The following MBTPS2 variants were observed in gnomAD, a reference collection of about 807,000 sequenced individuals.
MBTPS2 encodes the protein membrane bound transcription factor peptidase, site 2.
MBTPS2 carries 2 observed loss-of-function variants against 35.4 expected under a neutral mutation model. The ratio of observed to expected loss-of-function variants is 0.06; its 90% confidence interval spans 0.02 to 0.18. MBTPS2 has a LOEUF of 0.18. MBTPS2 is among the 10% of genes least tolerant of loss of function. MBTPS2 has a pLI of 1.00. For missense variants in MBTPS2, 244 were observed against 386.5 expected (o/e 0.63, Z 3.09); for synonymous variants, 125 against 140.4 (o/e 0.89, Z 0.77).
chrX:21,878,179 C>A, intron 8 of MBTPS2, 43 bp downstream of exon 8: 1 of 948,522 alleles, frequency 1.1e-6, no homozygotes, highest in Non-Finnish European at 1.5e-6. Flanking sequence ...GATATAATTA[C>A]TAAAAAATAA....
intron 10 of MBTPS2, among the ~76,000 whole-genome samples, chrX:21,881,188 A>G (rs1047656580): frequency 2.7e-5 from 3 of 112,415 alleles, no homozygotes; most frequent in Non-Finnish European, 5.6e-5. Flanking sequence ...GTTTAGATGT[A>G]GAAGGGAAAG....
intron 3 of MBTPS2, among the ~76,000 whole-genome samples, chrX:21,846,434 G>A (rs921510586): frequency 5.4e-5 from 6 of 111,861 alleles, no homozygotes; most frequent in African/African-American, 1.6e-4. Flanking sequence ...GCAATGGCGC[G>A]ATCTCAGCTC....
chrX:21,854,603 G>A (rs2092918295), intron 5 of MBTPS2, among the ~76,000 whole-genome samples: 1 of 111,985 alleles, frequency 8.9e-6, no homozygotes, highest in Admixed American at 9.5e-5. Context: ...AAGCCACAAT[G>A]AAAATATAAC....
At position 21,884,280 on chromosome X, in the gene MBTPS2, C is replaced by A; in HGVS notation, c.*1625C>A. ...TTTGTTCTATTTTTAGGTAGACAAT[C>A]ATTTGGGATCAGAGTACATTAGCAT... On this transcript the variant is annotated 3_prime_UTR_variant, in exon 11 of 11. Coordinates refer to ENST00000379484, the MANE Select transcript of MBTPS2 (RefSeq NM_015884.4). The A allele has an allele frequency of 2.7e-6, 2 of 741,314 alleles. No homozygotes were observed. Among genetic ancestry groups the A allele is most frequent in the South Asian group, 1.4e-4 (2 of 14,527 alleles). 61.1% of individuals were successfully genotyped at this position (741,314 alleles called of 1,213,427 possible). A position where few individuals can be genotyped will look rare whatever the true frequency, so the allele number is the denominator to read the frequency against.
intron 2 of MBTPS2, among the ~76,000 whole-genome samples, chrX:21,844,657 A>G (rs1445566403): frequency 1.8e-5 from 2 of 112,996 alleles, no homozygotes; most frequent in South Asian, 3.6e-4. Flanking sequence ...AGCACAACTT[A>G]CCAAAGTTAG....
chrX:21,869,097 A>T (rs2092944040), intron 6 of MBTPS2, among the ~76,000 whole-genome samples: 1 of 111,102 alleles, frequency 9.0e-6, no homozygotes, highest in Non-Finnish European at 1.9e-5. Flanking sequence ...TTACATATAC[A>T]TTGTACTGAT....
intron 5 of MBTPS2, among the ~76,000 whole-genome samples, chrX:21,864,357 C>T (rs1040999874): frequency 1.2e-4 from 13 of 111,643 alleles, no homozygotes; most frequent in African/African-American, 2.9e-4. Flanking sequence ...CCTCAGCCTC[C>T]GAAGTAGCTG....
intron 5 of MBTPS2, among the ~76,000 whole-genome samples, chrX:21,864,494 A>G (rs1296026972): frequency 1.8e-5 from 2 of 111,596 alleles, no homozygotes; most frequent in African/African-American, 3.3e-5. Context: ...TCAGCCTCCC[A>G]ATAAATCTAG....
At position 21,839,717 on chromosome X, in the gene MBTPS2, TCTGCCGCCG is replaced by T. The variant is rs781251541; in HGVS notation, c.-9_-1del. 2 of 1,173,034 alleles carry T rather than the reference TCTGCCGCCG, an allele frequency of 1.7e-6. No homozygotes were observed. Among genetic ancestry groups the T allele is most frequent in the Non-Finnish European group, 2.3e-6 (2 of 875,309 alleles). On this transcript the variant is annotated 5_prime_UTR_variant, in exon 1 of 11. Coordinates refer to ENST00000379484, the MANE Select transcript of MBTPS2 (RefSeq NM_015884.4). ...GGACGCCGGGGCTCGCCTTCCCTCC[TCTGCCGCCG>T]CTGCCGCCATGATTCCGGTGTCGCT...
intron 1 of MBTPS2, among the ~76,000 whole-genome samples, chrX:21,842,130 T>C (rs1348549042): frequency 8.9e-6 from 1 of 112,048 alleles, no homozygotes; most frequent in Non-Finnish European, 1.9e-5. Context: ...TGGGTGGGCA[T>C]GAATATGACA....
At chrX:21,856,923 G>C in intron 5 of MBTPS2, 1 of 1,211,874 alleles carries the variant, frequency 8.3e-7, no homozygotes, top group Non-Finnish European at 1.1e-6. Context: ...AAAGCCCAGC[G>C]GCAAGAGTGC....
chrX:21,843,162 T>A lies in MBTPS2; in HGVS notation c.76-8T>A. The A allele has an allele frequency of 2.5e-6, 3 of 1,203,595 alleles. No individual in the cohort carries two copies. In the South Asian group the frequency reaches 5.3e-5, roughly 21 times the overall value. On this transcript the variant is annotated splice_polypyrimidine_tract_variant and splice_region_variant and intron_variant, in intron 1 of 10. Coordinates refer to ENST00000379484, the MANE Select transcript of MBTPS2 (RefSeq NM_015884.4). ...TTGAGTGATGTAGAACTTTTCTTTC[T>A]CTCTTAGTCATCTGTCTATTTTAAA... is the stretch of plus-strand genomic sequence containing the variant.
At chrX:21,852,857 AATCTG>A (rs1259756297) in intron 4 of MBTPS2, among the ~76,000 whole-genome samples, 1 of 109,953 alleles carries the variant, frequency 9.1e-6, no homozygotes, top group East Asian at 2.8e-4. Context: ...TCTTAAGGAC[AATCTG>A]AGCATTATGC....
At chrX:21,853,985 C>T (rs886671304) in intron 5 of MBTPS2, among the ~76,000 whole-genome samples, 4 of 111,118 alleles carry the variant, frequency 3.6e-5, no homozygotes, top group African/African-American at 9.8e-5. Context: ...AACTGACATA[C>T]GACAAATCCA....
At chrX:21,870,980 T>A (rs2092946628) in intron 7 of MBTPS2, 1 of 112,158 alleles carries the variant, frequency 8.9e-6, no homozygotes, top group African/African-American at 3.2e-5. Context: ...GAAATATGAT[T>A]AATAATCAAG....
intron 3 of MBTPS2, among the ~76,000 whole-genome samples, chrX:21,845,643 G>A (rs1004043185): frequency 1.8e-5 from 2 of 112,117 alleles, no homozygotes; most frequent in Admixed American, 1.9e-4. Context: ...AAACAGATAC[G>A]TGACTGTCTT....
At chrX:21,868,633 T>G in intron 6 of MBTPS2, 48 bp downstream of exon 6, 3 of 855,819 alleles carry the variant, frequency 3.5e-6, no homozygotes, top group Non-Finnish European at 5.3e-6. Flanking sequence ...TGTTGTGATG[T>G]AATACCTAGC....
chrX:21,856,878 A>G (rs750600223), intron 5 of MBTPS2: 5 of 1,209,801 alleles, frequency 4.1e-6, no homozygotes, highest in Non-Finnish European at 5.6e-6. Context: ...ATCAACATCA[A>G]CATCAACCCA....
chrX:21,862,964 ATAT>A (rs1569325848), intron 5 of MBTPS2, among the ~76,000 whole-genome samples: 6 of 66,566 alleles, frequency 9.0e-5, no homozygotes, highest in Non-Finnish European at 1.7e-4. Context: ...ATATATATAT[ATAT>A]AAAACCGACT....
Sources: gnomAD v4.1 joint callset for allele counts (sites outside exome capture counted in the v4.1 genomes callset) on GRCh38, gnomAD v4.1.1 for gene constraint, MANE v1.5 for transcripts, NCBI Gene and HGNC (gene_info 2026-07-23, HGNC 2026-07-21) for gene names.